The following HDAC4 variants were observed in gnomAD, a reference collection of about 807,000 sequenced individuals.
HDAC4 encodes histone deacetylase 4.
A neutral mutation model predicts 135.1 loss-of-function variants in HDAC4; 16 were observed. The ratio of observed to expected loss-of-function variants is 0.12; its 90% CI spans 0.08 to 0.18. The LOEUF (loss-of-function observed/expected upper bound fraction) is 0.18. Ranked by LOEUF, HDAC4 falls within the 10% of genes least tolerant of loss-of-function variation. The pLI is 1.00. For synonymous variants in HDAC4, 685 were observed against 653.4 expected (o/e 1.05, Z -0.74); for missense variants, 1,143 against 1,511.8 (o/e 0.76, Z 4.05).
chr2:239,081,219 G>A lies in HDAC4; in HGVS notation c.2653-27C>T, dbSNP rs767513307. 28 of 1,583,220 alleles carry A rather than the reference G, an allele frequency of 1.8e-5. No homozygotes were observed. The East Asian group carries it at 2.5e-4, about 14-fold the overall frequency. On this transcript the variant is annotated intron_variant, in intron 21 of 26. Coordinates refer to ENST00000543185, the MANE Select transcript of HDAC4 (RefSeq NM_001378414.1). ...TGTGGCCAGAAGGAGAGAAACACAC[G>A]TCATGGACCCCGAGCGGGACCTGTC...
chr2:239,211,442 T>C (rs762667991), intron 3 of HDAC4, among the ~76,000 whole-genome samples: 1 of 152,086 alleles, frequency 6.6e-6, no homozygotes, highest in African/African-American at 2.4e-5. Flanking sequence ...CCTGCACACA[T>C]CTTGACTGGG....
chr2:239,083,403 A>T (rs2035550042), intron 20 of HDAC4, among the ~76,000 whole-genome samples: 1 of 152,222 alleles, frequency 6.6e-6, no homozygotes, highest in Non-Finnish European at 1.5e-5. Context: ...TGCCTCTCCG[A>T]AACAGCATGG....
In HDAC4 at chr2:239,381,681, T is replaced by C. The variant is rs184635832; in HGVS notation, c.-220+19297A>G. Among the ~76,000 whole-genome samples the C allele has an allele frequency of 2.1e-3, 320 of 152,318 alleles. 4 individuals are homozygous for C. The highest frequency in any genetic ancestry group is 7.3e-3 in the African/African-American group (303 of 41,560). ...CTGGACTTAATGACAAGAGAGCTTC[T>C]CACCCTAGGTACCAATGACATTTGC... On this transcript the variant is annotated intron_variant, in intron 1 of 26. Coordinates refer to ENST00000543185, the MANE Select transcript of HDAC4 (RefSeq NM_001378414.1).
intron 3 of HDAC4, among the ~76,000 whole-genome samples, chr2:239,194,951 G>A (rs921993612): frequency 1.3e-5 from 2 of 152,228 alleles, no homozygotes; most frequent in African/African-American, 4.8e-5. Flanking sequence ...CTCCAGCTCG[G>A]TGCGCGTCTC....
chr2:239,378,209 G>A (rs73104791), intron 1 of HDAC4, among the ~76,000 whole-genome samples: 9,336 of 152,072 alleles, frequency 0.061, 600 homozygotes, highest in African/African-American at 0.16. Context: ...CAGCCCAGTG[G>A]GCATCCGTGA....
Position 239,226,060 on chromosome 2 carries a change from C to T in HDAC4, c.94+10533G>A, listed in dbSNP as rs543190727. ...ACAAGGGTCGGCAAAGAGCCATCTC[C>T]CTCGTCCTGGCGGCACAGGCTTCCA... On this transcript the variant is annotated intron_variant, in intron 3 of 26. Coordinates refer to ENST00000543185, the MANE Select transcript of HDAC4 (RefSeq NM_001378414.1). Among the ~76,000 whole-genome samples the T allele has an allele frequency of 5.5e-4, 84 of 152,190 alleles. 1 individual carries two copies. The highest frequency in any genetic ancestry group is 6.6e-4 in the Non-Finnish European group (45 of 68,036).
Position 239,188,612 on chromosome 2 carries a change from C to T in HDAC4, c.339+1221G>A, listed in dbSNP as rs113927736. ...GCTGTCCAACAGTTGCCACGAACCA[C>T]GTGTGGCTCGAAATGCGGCTGGCCT... On this transcript the variant is annotated intron_variant, in intron 4 of 26. Coordinates refer to ENST00000543185, the MANE Select transcript of HDAC4 (RefSeq NM_001378414.1). Among the ~76,000 whole-genome samples the T allele has an allele frequency of 9.5e-3, 1,442 of 152,348 alleles. 23 individuals are homozygous for T. The highest frequency in any genetic ancestry group is 0.033 in the African/African-American group (1,361 of 41,578).
At chr2:239,266,339 C>G (rs2125166207) in intron 2 of HDAC4, among the ~76,000 whole-genome samples, 1 of 152,306 alleles carries the variant, frequency 6.6e-6, no homozygotes, top group African/African-American at 2.4e-5. Context: ...TCCTCAATGC[C>G]CTGCACTGCA....
chr2:239,069,604 G>GAGCATTGC, intron 22 of HDAC4, among the ~76,000 whole-genome samples: 1 of 75,094 alleles, frequency 1.3e-5, no homozygotes, highest in Non-Finnish European at 2.9e-5. Context: ...GTGAGAGTGA[G>GAGCATTGC]TCACAGTGCA....
At chr2:239,059,894 T>TG (rs2032423613) in intron 24 of HDAC4, among the ~76,000 whole-genome samples, 1 of 151,748 alleles carries the variant, frequency 6.6e-6, no homozygotes, top group African/African-American at 2.4e-5. Context: ...GACAGTCCTC[T>TG]GGGGGACCTT....
chr2:239,266,179 C>T (rs111737546), intron 2 of HDAC4, among the ~76,000 whole-genome samples: 2 of 152,198 alleles, frequency 1.3e-5, no homozygotes, highest in Admixed American at 1.3e-4. Flanking sequence ...CATAGCCCCT[C>T]GCCGGCATCC....
rs2049418809 is a variant in HDAC4, at chr2:239,262,282, T to G, written c.23-25618A>C. Among the ~76,000 whole-genome samples, 1 of 152,172 alleles carries G rather than the reference T, an allele frequency of 6.6e-6. No homozygotes were observed. The highest frequency in any genetic ancestry group is 2.4e-5 in the African/African-American group (1 of 41,446). ...GATGTGAGATAAAATTTTAGTGGGA[T>G]TACAGAAACCTTGGCTTAGTATCAG... On this transcript the variant is annotated intron_variant, in intron 2 of 26. Coordinates refer to ENST00000543185, the MANE Select transcript of HDAC4 (RefSeq NM_001378414.1). This position sits in a 1 kb window ranked among gnomAD's most constrained non-coding sequence, Gnocchi z 4.1.
At chr2:239,353,104 C>A (rs1329654119) in intron 1 of HDAC4, among the ~76,000 whole-genome samples, 186 bp from the exon 2 acceptor site, 3 of 152,164 alleles carry the variant, frequency 2.0e-5, no homozygotes, top group African/African-American at 7.2e-5. Context: ...CCCCTGCAAC[C>A]CTGGGTTCGA....
chr2:239,380,215 T>C (rs1200871594), intron 1 of HDAC4, among the ~76,000 whole-genome samples: 4 of 152,220 alleles, frequency 2.6e-5, no homozygotes, highest in Non-Finnish European at 4.4e-5. Context: ...CACTGCGGAA[T>C]GCGCGAGCTC....
chr2:239,346,056 ACCC>A (rs563756835), intron 2 of HDAC4, among the ~76,000 whole-genome samples: 39 of 114,792 alleles, frequency 3.4e-4, no homozygotes, highest in Non-Finnish European at 5.0e-4. Context: ...AAACACACAC[ACCC>A]CCATCTCACA....
At chr2:239,226,209 T>G (rs1238318032) in intron 3 of HDAC4, among the ~76,000 whole-genome samples, 1 of 152,138 alleles carries the variant, frequency 6.6e-6, no homozygotes, top group East Asian at 1.9e-4. Flanking sequence ...GATGTCATGA[T>G]GCAAAAATTC....
In HDAC4 at chr2:239,189,755, G is replaced by A. The variant is rs983918264; in HGVS notation, c.339+78C>T. On this transcript the variant is annotated intron_variant, in intron 4 of 26. Transcript: ENST00000543185. ...CATGCCTGGGGCCCCAGCACACTCC[G>A]CGGAGGCAGGGCTGGAGTCACCGGG... The A allele has an allele frequency of 1.0e-4, 147 of 1,422,928 alleles. No homozygotes were observed. The Middle Eastern group carries it at 1.7e-3, about 16-fold the overall frequency. The allele number at this position is 1,422,928 out of a possible 1,614,324, so 88.1% of individuals were successfully genotyped here. A position where few individuals can be genotyped will look rare whatever the true frequency, so the allele number is the denominator to read the frequency against.
chr2:239,086,206 A>G (rs532644353), intron 19 of HDAC4, among the ~76,000 whole-genome samples: 5 of 13,082 alleles, frequency 3.8e-4, no homozygotes, highest in Admixed American at 9.4e-4. Context: ...GGATCTGACT[A>G]TCTCTCACGT....
intron 4 of HDAC4, 101 bp from the exon 5 acceptor site, chr2:239,176,664 G>A: frequency 9.1e-7 from 1 of 1,094,516 alleles, no homozygotes; most frequent in African/African-American, 1.5e-5. Flanking sequence ...CTACACGTCT[G>A]CCCTGGTGTG....
Sources: gnomAD v4.1 joint callset for allele counts (sites outside exome capture counted in the v4.1 genomes callset) on GRCh38, gnomAD v4.1.1 for gene constraint, Gnocchi (gnomAD v3.1) non-coding constraint, MANE v1.5 for transcripts, NCBI Gene and HGNC (gene_info 2026-07-23, HGNC 2026-07-21) for gene names.